Variants in PANK4 observed in about 807,000 individuals in gnomAD.
PANK4 encodes the protein pantothenate kinase 4 (inactive).
In PANK4, 40 loss-of-function variants were observed where a neutral mutation model predicts 87.9. The observed-to-expected ratio is 0.46, with a 90% CI of 0.35 to 0.59. PANK4 has a LOEUF of 0.59. Ranked by LOEUF, PANK4 falls within the 20% of genes least tolerant of loss-of-function variation. The probability of loss-of-function intolerance (pLI) is 0.00; values close to 1 mark genes in which losing one functional copy is unlikely to be tolerated. For missense variants in PANK4, 926 were observed against 1,072.3 expected (o/e 0.86, Z 1.90); for synonymous variants, 524 against 467.4 (o/e 1.12, Z -1.56).
At chr1:2,514,232 C>A in intron 11 of PANK4, 122 bp downstream of exon 11, 1 of 1,110,224 alleles carries the variant, frequency 9.0e-7, no homozygotes, top group Non-Finnish European at 1.4e-6. Flanking sequence ...GCTGTGCCGC[C>A]AGGGCCCACA....
rs758079441 is a variant in PANK4 at position 2,509,812 on chromosome 1, G to A, written c.2108+50C>T. The A allele has an allele frequency of 6.6e-6, 10 of 1,526,490 alleles. No homozygotes were observed. The African/African-American group carries it at 9.6e-5, about 15-fold the overall frequency. 94.6% of individuals were successfully genotyped at this position (1,526,490 alleles called of 1,614,324 possible). On this transcript the variant is annotated intron_variant, in intron 18 of 18. Transcript: ENST00000378466. The surrounding 1 kb of genome is among the most constrained non-coding windows in gnomAD (Gnocchi z 4.9). ...CACCTGGGTGCAGGTGCACGGCACA[G>A]AGGGCACAGAGCCCAGGAGGGAGAG... is the stretch of plus-strand genomic sequence containing the variant.
Position 2,519,949 on chromosome 1 carries a change from A to G in PANK4, c.705T>C (p.Phe235=). The part of the protein sequence containing the change: ...LGALLTKTKK[F]DELLHLASRG... Reference sequence around the variant, plus strand: ...TCGAGGCCAGGTGCAGGAGCTCGTCAAACTTCTGCAGGACACGGCGAGGGG... The same window carrying G: ...TCGAGGCCAGGTGCAGGAGCTCGTCGAACTTCTGCAGGACACGGCGAGGGG... Residue 235 remains phenylalanine, a synonymous_variant, in exon 6 of 19, where the codon TTT becomes TTC. Transcript: ENST00000378466. The surrounding 1 kb of genome is among the most constrained non-coding windows in gnomAD (Gnocchi z 8.3). The G allele has an allele frequency of 6.4e-7, 1 of 1,557,042 alleles. No individual in the cohort carries two copies. Among genetic ancestry groups the G allele is most frequent in the Non-Finnish European group, 8.7e-7 (1 of 1,148,532 alleles).
chr1:2,523,099 C>G (rs1045118376), intron 1 of PANK4, among the ~76,000 whole-genome samples: 1 of 152,150 alleles, frequency 6.6e-6, no homozygotes, highest in African/African-American at 2.4e-5. Context: ...TGTTTTTTGA[C>G]AAAATACTAT....
At position 2,515,404 on chromosome 1, in the gene PANK4, G is replaced by A. The variant is rs761255356; in HGVS notation, c.1374+158C>T. 8 of 842,000 alleles carry A rather than the reference G, an allele frequency of 9.5e-6. No homozygotes were observed. Among genetic ancestry groups the A allele is most frequent in the Non-Finnish European group, 1.6e-5 (8 of 511,084 alleles). The allele number at this position is 842,000 out of a possible 1,614,324, so 52.2% of individuals were successfully genotyped here. On this transcript the variant is annotated intron_variant, in intron 10 of 18. Transcript: ENST00000378466. The surrounding 1 kb of genome is among the most constrained non-coding windows in gnomAD (Gnocchi z 5.0). ...GTGGCCAGGAGCGGTATTTTTGCCT[G>A]AGAAACCAAAATCGCCCCCTCACTC...
In PANK4 at chr1:2,512,859, G is replaced by A. The variant is rs533951634; in HGVS notation, c.1727+29C>T. ...GCAGGACAGGCACCCACAGGCTGCA[G>A]AGCCTGCTCCGAGCCCGCAGACACC... is the stretch of plus-strand genomic sequence containing the variant. On this transcript the variant is annotated intron_variant, in intron 13 of 18. Coordinates refer to ENST00000378466, the MANE Select transcript of PANK4 (RefSeq NM_018216.4). 9.9e-6 allele frequency: 16 copies of A among 1,610,748 alleles called. No individual in the cohort carries two copies. The African/African-American group carries it at 2.0e-4, about 20-fold the overall frequency.
At position 2,519,166 on chromosome 1, in the gene PANK4, A is replaced by G; in HGVS notation, c.1012T>C (p.Tyr338His). 3.7e-6 allele frequency: 6 copies of G among 1,612,552 alleles called. No homozygotes were observed. The highest frequency in any genetic ancestry group is 5.1e-6 in the Non-Finnish European group (6 of 1,179,810). The change falls in exon 7 of 19, where the codon TAT becomes CAT. Residue 338 changes from tyrosine (Y) to histidine (H), a missense_variant. Tyr to His is a moderately conservative substitution (Grantham distance 83). Coordinates refer to ENST00000378466, the MANE Select transcript of PANK4 (RefSeq NM_018216.4). The surrounding 1 kb of genome is among the most constrained non-coding windows in gnomAD (Gnocchi z 8.3). Reference protein sequence around the residue: ...GHPVTMRTITYSINFFSKGEV... With the variant: ...GHPVTMRTITHSINFFSKGEV... ...ACCTTGGAGAAGAAGTTGATGCTAT[A>G]GGTGATGGTGCGCATGGTCACGGGG...
In PANK4 at chr1:2,519,928, G is replaced by T; in HGVS notation, c.726C>A (p.Ala242=). 1 of 1,565,354 alleles carries T rather than the reference G, an allele frequency of 6.4e-7. No individual in the cohort carries two copies. Among genetic ancestry groups the T allele is most frequent in the Non-Finnish European group, 8.7e-7 (1 of 1,154,464 alleles). The change falls in exon 6 of 19, where the codon GCC becomes GCA. Residue 242 remains alanine, a synonymous_variant. Transcript: ENST00000378466. This position sits in a 1 kb window ranked among gnomAD's most constrained non-coding sequence, Gnocchi z 8.3. ...CCACATTGCTGTGCTGGCCCCTCGA[G>T]GCCAGGTGCAGGAGCTCGTCAAACT... The part of the protein sequence containing the change: ...TKKFDELLHL[A]SRGQHSNVDM...
Position 2,511,314 on chromosome 1 carries a change from GAGGT to G in PANK4, c.1833+20_1833+23del. On this transcript the variant is annotated intron_variant, in intron 15 of 18. Transcript: ENST00000378466. ...GGGCCCCGCTGTGTCCCCAGCAGCA[GAGGT>G]GGGAGGCCCCTCCACATACCTTTAA... 1 of 1,573,422 alleles carries G rather than the reference GAGGT, an allele frequency of 6.4e-7. No individual in the cohort carries two copies. Among genetic ancestry groups the G allele is most frequent in the Non-Finnish European group, 8.7e-7 (1 of 1,144,112 alleles).
chr1:2,518,806 T>A (rs1054048110), intron 7 of PANK4, among the ~76,000 whole-genome samples: 2 of 152,188 alleles, frequency 1.3e-5, no homozygotes, highest in Admixed American at 6.5e-5. Flanking sequence ...AGATAGCTTC[T>A]CCCATGCAGC....
chr1:2,526,299 AG>A (rs1298980005), intron 1 of PANK4, 164 bp downstream of exon 1: 2 of 211,554 alleles, frequency 9.5e-6, no homozygotes, highest in East Asian at 3.7e-4. Flanking sequence ...GCGGACTACA[AG>A]GCCCGTGAGG....
At position 2,513,129 on chromosome 1, in the gene PANK4, G is replaced by A. The variant is rs771105268; in HGVS notation, c.1576-90C>T. On this transcript the variant is annotated intron_variant, in intron 12 of 18. Transcript: ENST00000378466. ...CCAGGCGCAGCCTGTTCCATACCAC[G>A]CCCCTCAGGATCGAAGACTCAGGCC... is the stretch of plus-strand genomic sequence containing the variant. 8.6e-6 allele frequency: 12 copies of A among 1,400,212 alleles called. No homozygotes were observed. The East Asian group carries it at 1.2e-4, about 14-fold the overall frequency. The allele number at this position is 1,400,212 out of a possible 1,614,324, so 86.7% of individuals were successfully genotyped here. A position where few individuals can be genotyped will look rare whatever the true frequency, so the allele number is the denominator to read the frequency against.
At chr1:2,513,947 G>T in intron 12 of PANK4, 55 bp downstream of exon 12, 1 of 1,290,570 alleles carries the variant, frequency 7.7e-7, no homozygotes, top group Non-Finnish European at 1.1e-6. Context: ...AGGACACGCG[G>T]TGCCAGCGGG....
At chr1:2,516,481 G>A (rs1007917601) in intron 9 of PANK4, among the ~76,000 whole-genome samples, 1 of 152,216 alleles carries the variant, frequency 6.6e-6, no homozygotes, top group Non-Finnish European at 1.5e-5. Context: ...GCTCACCGCA[G>A]CAGCCGCTGC....
rs747590896 is a variant in PANK4 at position 2,526,426 on chromosome 1, C to T, written c.124+38G>A. Reference sequence around the variant, plus strand: ...CGGCCCACCGCCGGCGCCCCGCCCGCCCCCGCAGCCCGCGCCCGGCGCCCG... The same window carrying T: ...CGGCCCACCGCCGGCGCCCCGCCCGTCCCCGCAGCCCGCGCCCGGCGCCCG... On this transcript the variant is annotated intron_variant, in intron 1 of 18. Coordinates refer to ENST00000378466, the MANE Select transcript of PANK4 (RefSeq NM_018216.4). 12 of 1,171,274 alleles carry T rather than the reference C, an allele frequency of 1.0e-5. No individual in the cohort carries two copies. The Admixed American group carries it at 1.1e-4, about 11-fold the overall frequency. The allele number at this position is 1,171,274 out of a possible 1,614,324, so 72.6% of individuals were successfully genotyped here.
chr1:2,521,417 C>G lies in PANK4; in HGVS notation c.208-102G>C. 4 of 993,210 alleles carry G rather than the reference C, an allele frequency of 4.0e-6. No homozygotes were observed. The East Asian group carries it at 9.5e-5, about 24-fold the overall frequency. The allele number at this position is 993,210 out of a possible 1,614,324, so 61.5% of individuals were successfully genotyped here. On this transcript the variant is annotated intron_variant, in intron 2 of 18. Coordinates refer to ENST00000378466, the MANE Select transcript of PANK4 (RefSeq NM_018216.4). ...GGAGCTGGCTGTTCGCGCCAGCCTT[C>G]AACCAGGCGGCGCTCTGAGGCAGAA...
In PANK4 at chr1:2,518,172, T is replaced by C. The variant is rs971115966; in HGVS notation, c.1210A>G (p.Ser404Gly). 1.2e-6 allele frequency: 2 copies of C among 1,603,656 alleles called. No homozygotes were observed. The highest frequency in any genetic ancestry group is 1.7e-6 in the Non-Finnish European group (2 of 1,177,298). ...PELGPAQRAR[S>G]GTFDLLEMDR... Reference sequence around the variant, plus strand: ...CAGAGCCCACTACTCACAGTGCCACTCCGCGCCCGCTGCGCCGGGCCGAGC... The same window carrying C: ...CAGAGCCCACTACTCACAGTGCCACCCCGCGCCCGCTGCGCCGGGCCGAGC... Residue 404 changes from serine (S) to glycine (G), a missense_variant, in exon 9 of 19, where the codon AGT (serine) becomes GGT (glycine). Physicochemically the swap from Ser to Gly is moderately conservative, Grantham distance 56 (BLOSUM62 0). Transcript: ENST00000378466.
intron 13 of PANK4, among the ~76,000 whole-genome samples, chr1:2,511,995 C>T (rs970044091): frequency 6.6e-6 from 1 of 152,206 alleles, no homozygotes; most frequent in Non-Finnish European, 1.5e-5. Context: ...TGCTGCGATC[C>T]GCAGAAGGCT....
intron 9 of PANK4, 144 bp downstream of exon 9, chr1:2,518,020 C>T (rs755885428): frequency 1.8e-6 from 1 of 554,314 alleles, no homozygotes; most frequent in Admixed American, 3.5e-5. Context: ...CCTAGTTATA[C>T]CCCAGGTCCA....
In PANK4 at chr1:2,518,268, G is replaced by T. The variant is rs1396052502; in HGVS notation, c.1118-4C>A. 1 of 1,603,316 alleles carries T rather than the reference G, an allele frequency of 6.2e-7. No homozygotes were observed. On this transcript the variant is annotated splice_region_variant and splice_polypyrimidine_tract_variant and intron_variant, in intron 8 of 18. Coordinates refer to ENST00000378466, the MANE Select transcript of PANK4 (RefSeq NM_018216.4). ...CCCCAGCTGTACTGGTTAGGATCTG[G>T]AAAGCAAGAAGCCAGGTCACTTGTG...
Sources: allele counts gnomAD v4.1 joint callset (sites outside exome capture counted in the v4.1 genomes callset), GRCh38; gene constraint gnomAD v4.1.1; non-coding constraint Gnocchi (gnomAD v3.1); transcripts MANE v1.5; gene names NCBI Gene and HGNC (gene_info 2026-07-23, HGNC 2026-07-21).